Variants in SGCD observed in about 807,000 individuals in gnomAD.
The protein encoded by SGCD is delta-sarcoglycan.
Under a neutral mutation model 36.6 loss-of-function variants are expected in SGCD, and 18 were observed. The observed-to-expected ratio is 0.49, with a 90% CI of 0.34 to 0.73. The LOEUF (loss-of-function observed/expected upper bound fraction) is 0.73, where lower values mean the gene tolerates loss of function less well. SGCD is among the 30% of genes least tolerant of loss of function. The pLI is 0.01. For synonymous variants in SGCD, 133 were observed against 130.6 expected, an observed-to-expected ratio of 1.02 and a Z score of -0.12; for missense variants, 387 against 346.7, an observed-to-expected ratio of 1.12 and a Z score of -0.92.
At chr5:156,467,330 A>G (rs777722961) in intron 3 of SGCD, among the ~76,000 whole-genome samples, 1 of 152,216 alleles carries the variant, frequency 6.6e-6, no homozygotes, top group African/African-American at 2.4e-5. Context: ...TATTCCAGAC[A>G]GTCAAATAAA....
intron 1 of SGCD, among the ~76,000 whole-genome samples, chr5:155,988,464 G>C (rs555585683): frequency 6.6e-6 from 1 of 152,284 alleles, no homozygotes; most frequent in South Asian, 2.1e-4. Context: ...CACAGACCCA[G>C]CTTGATTGAG....
chr5:156,660,391 C>T (rs1307300260), intron 7 of SGCD, among the ~76,000 whole-genome samples: 1 of 152,308 alleles, frequency 6.6e-6, no homozygotes, highest in Non-Finnish European at 1.5e-5. Context: ...ACTGGTGTTA[C>T]CATCTCCGTG....
At chr5:155,790,127 C>T in the SGCD span, among the ~76,000 whole-genome samples, 418 of 152,084 alleles carry the variant, frequency 2.7e-3, 1 homozygote, top group African/African-American at 9.7e-3. Context: ...AATGCTGAAA[C>T]AAAGCTTTAC....
the SGCD span, among the ~76,000 whole-genome samples, chr5:155,777,350 TAG>T: frequency 7.7e-6 from 1 of 129,584 alleles, no homozygotes; most frequent in African/African-American, 2.9e-5. Flanking sequence ...TGGAAATTTG[TAG>T]TTTTTTTGTT....
chr5:155,880,387 T>C (rs1232152035), intron 1 of SGCD, among the ~76,000 whole-genome samples: 1 of 152,214 alleles, frequency 6.6e-6, no homozygotes. Flanking sequence ...GCTGGTATTC[T>C]GACTTAACTA....
the SGCD span, among the ~76,000 whole-genome samples, chr5:155,849,696 T>A: frequency 6.4e-4 from 97 of 152,318 alleles, no homozygotes; most frequent in African/African-American, 2.0e-3. Flanking sequence ...GAGTCAGATA[T>A]ATTGTCTTTG....
chr5:156,229,300 A>ATATACATACATATATATATATATATAT (rs1477607808), intron 3 of SGCD, among the ~76,000 whole-genome samples: 1 of 126,174 alleles, frequency 7.9e-6, no homozygotes, highest in Non-Finnish European at 1.7e-5. Context: ...ATATATATAT[A>ATATACATACATATATATATATATATAT]AAATTAGTTC....
At chr5:155,868,825 G>A (rs1755574043), upstream of SGCD, among the ~76,000 whole-genome samples, 1 of 152,178 alleles carries the variant, frequency 6.6e-6, no homozygotes, top group Admixed American at 6.5e-5. Context: ...TATGGGAGAA[G>A]CAGGTCAGGG....
intron 1 of SGCD, among the ~76,000 whole-genome samples, chr5:155,879,591 T>C (rs1212814934): frequency 6.6e-6 from 1 of 152,062 alleles, no homozygotes; most frequent in Non-Finnish European, 1.5e-5. Flanking sequence ...AGCCTAATTG[T>C]ATAAGATGCA....
intron 3 of SGCD, among the ~76,000 whole-genome samples, chr5:156,274,415 A>C (rs1766263320): frequency 6.6e-6 from 1 of 152,058 alleles, no homozygotes; most frequent in Non-Finnish European, 1.5e-5. Flanking sequence ...CAGAATTGAA[A>C]AATGGCCTAT....
intron 7 of SGCD, among the ~76,000 whole-genome samples, chr5:156,650,556 G>A (rs1763420387): frequency 6.6e-6 from 1 of 152,166 alleles, no homozygotes; most frequent in South Asian, 2.1e-4. Flanking sequence ...TGTATCCAGT[G>A]CTCAGCTCCC....
intron 3 of SGCD, among the ~76,000 whole-genome samples, chr5:156,215,510 A>T (rs1764547773): frequency 6.6e-6 from 1 of 152,144 alleles, no homozygotes; most frequent in Admixed American, 6.5e-5. Flanking sequence ...TGATTTACAA[A>T]TGGACAAAGG....
intron 1 of SGCD, among the ~76,000 whole-genome samples, chr5:156,089,395 A>G (rs1761184657): frequency 6.6e-6 from 1 of 152,196 alleles, no homozygotes; most frequent in Non-Finnish European, 1.5e-5. Context: ...TGCAATTTTT[A>G]TTAAATCTGT....
chr5:156,369,836 A>C (rs1306591641), intron 3 of SGCD, among the ~76,000 whole-genome samples: 1 of 152,194 alleles, frequency 6.6e-6, no homozygotes, highest in Non-Finnish European at 1.5e-5. Flanking sequence ...CAACCTAGGA[A>C]GGCACACCAG....
At chr5:156,366,677 G>A (rs1770124644) in intron 3 of SGCD, among the ~76,000 whole-genome samples, 1 of 152,146 alleles carries the variant, frequency 6.6e-6, no homozygotes, top group African/African-American at 2.4e-5. Flanking sequence ...AGCTAACATA[G>A]CAACAATACA....
chr5:156,025,828 G>A (rs1365716875), intron 1 of SGCD, among the ~76,000 whole-genome samples: 2 of 152,226 alleles, frequency 1.3e-5, no homozygotes, highest in Non-Finnish European at 2.9e-5. Context: ...TAGAGCAGAA[G>A]TGATTCCTGG....
chr5:156,652,646 A>T (rs1763506015), intron 7 of SGCD, among the ~76,000 whole-genome samples: 1 of 152,132 alleles, frequency 6.6e-6, no homozygotes, highest in Admixed American at 6.6e-5. Context: ...AAAAGTAGGC[A>T]TCCTTGCCTC....
At chr5:156,715,501 A>G (rs1581449770) in intron 7 of SGCD, among the ~76,000 whole-genome samples, 2 of 152,166 alleles carry the variant, frequency 1.3e-5, no homozygotes, top group Non-Finnish European at 2.9e-5. Flanking sequence ...TGACTAATCC[A>G]TGCCGCCATT....
At chr5:156,407,235 A>G (rs1772476821) in intron 3 of SGCD, among the ~76,000 whole-genome samples, 1 of 152,198 alleles carries the variant, frequency 6.6e-6, no homozygotes, top group African/African-American at 2.4e-5. Context: ...AGCATTAGCC[A>G]TCACACCTGC....
Sources: allele counts gnomAD v4.1 joint callset (sites outside exome capture counted in the v4.1 genomes callset), GRCh38; gene constraint gnomAD v4.1.1; transcripts MANE v1.5; gene names NCBI Gene and HGNC (gene_info 2026-07-23, HGNC 2026-07-21).